CCDC80: variants seen among roughly 807,000 people sequenced by gnomAD.
CCDC80 encodes coiled-coil domain-containing protein 80.
Under a neutral mutation model 78.7 loss-of-function variants are expected in CCDC80, and 49 were observed. That is an observed-to-expected ratio of 0.62 (90% CI 0.50 to 0.79). CCDC80 has a LOEUF of 0.79. Among genes scored for constraint, CCDC80 ranks in the 30% least tolerant of loss-of-function variants. The pLI, the probability that CCDC80 is intolerant of heterozygous loss-of-function variation, is 0.00. For missense variants in CCDC80, 1,205 were observed against 1,198.6 expected, an observed-to-expected ratio of 1.01 and a Z score of -0.08; for synonymous variants, 488 against 447.0, an observed-to-expected ratio of 1.09 and a Z score of -1.16.
rs1019973602 is a variant in CCDC80, at chr3:112,599,149, T to A, written c.*6268A>T. On this transcript the variant is annotated 3_prime_UTR_variant, in exon 8 of 8. Transcript: ENST00000206423. ...GAAACTGAGGCCCATAGGTAAAACA[T>A]CTCACCTCCAGTCACACAGGTAAGT... is the stretch of plus-strand genomic sequence containing the variant. 6.6e-6 allele frequency: 1 copy of A among 152,096 alleles called. No homozygotes were observed. The highest frequency in any genetic ancestry group is 2.4e-5 in the African/African-American group (1 of 41,416). The allele number at this position is 152,096 out of a possible 1,614,324, so 9.4% of individuals were successfully genotyped here. A position where few individuals can be genotyped will look rare whatever the true frequency, so the allele number is the denominator to read the frequency against.
intron 2 of CCDC80, among the ~76,000 whole-genome samples, chr3:112,631,762 G>C (rs1304935377): frequency 6.6e-6 from 1 of 152,058 alleles, no homozygotes; most frequent in Non-Finnish European, 1.5e-5. Flanking sequence ...ATTGCTACCT[G>C]CAGGCTTTCC....
At chr3:112,632,857 C>G (rs552059253) in intron 2 of CCDC80, among the ~76,000 whole-genome samples, 1 of 152,316 alleles carries the variant, frequency 6.6e-6, no homozygotes, top group African/African-American at 2.4e-5. Flanking sequence ...CCCGGGCTCT[C>G]TTTTGCTAAT....
At position 112,638,866 on chromosome 3, in the gene CCDC80, G is replaced by A. The variant is rs772496790; in HGVS notation, c.1040C>T (p.Thr347Ile). 6.2e-7 allele frequency: 1 copy of A among 1,613,664 alleles called. No homozygotes were observed. Among genetic ancestry groups the A allele is most frequent in the Non-Finnish European group, 8.5e-7 (1 of 1,179,982 alleles). The change falls in exon 2 of 8, where the codon ACC (threonine) becomes ATC (isoleucine). Residue 347 changes from threonine (T) to isoleucine (I), a missense_variant. Thr to Ile is a moderately conservative substitution (Grantham distance 89). Coordinates refer to ENST00000206423, the MANE Select transcript of CCDC80 (RefSeq NM_199511.3). ...TAPALPQPPS[T>I]PRATTLPPAP... ...AGGAGGAAGGGTGGTGGCTCTGGGGGTTGAGGGAGGTTGGGGCAAAGCTGG... is the reference window on the plus strand; with the variant it reads ...AGGAGGAAGGGTGGTGGCTCTGGGGATTGAGGGAGGTTGGGGCAAAGCTGG...
rs73853922 is a variant in CCDC80, at chr3:112,611,687, G to A, written c.2322-1606C>T. Among the ~76,000 whole-genome samples, 400 of 152,240 alleles carry A rather than the reference G, an allele frequency of 2.6e-3. 2 individuals are homozygous for A. Among genetic ancestry groups the A allele is most frequent in the Middle Eastern group, 0.01 (3 of 294 alleles). On this transcript the variant is annotated intron_variant, in intron 5 of 7. Transcript: ENST00000206423. ...CTGGTGCTATCAGGGTCTGCAAGAG[G>A]GTATAAAAAGAGAGAAGGTATGCAT...
At chr3:112,633,160 A>C (rs1559881136) in intron 2 of CCDC80, among the ~76,000 whole-genome samples, 2 of 152,200 alleles carry the variant, frequency 1.3e-5, no homozygotes, top group Non-Finnish European at 1.5e-5. Context: ...ATATCTTTAT[A>C]AGATCATAAC....
At chr3:112,619,159 G>A in intron 3 of CCDC80, 55 bp from the exon 4 acceptor site, 1 of 1,471,724 alleles carries the variant, frequency 6.8e-7, no homozygotes, top group Non-Finnish European at 9.0e-7. Flanking sequence ...GAAATCATTG[G>A]GAGGTGAATG....
At chr3:112,616,444 G>GAAAAA (rs1935747901) in intron 5 of CCDC80, among the ~76,000 whole-genome samples, 1 of 137,394 alleles carries the variant, frequency 7.3e-6, no homozygotes, top group African/African-American at 3.0e-5. Flanking sequence ...GAAAAAAAAA[G>GAAAAA]AAAAGAAAAA....
intron 2 of CCDC80, among the ~76,000 whole-genome samples, chr3:112,633,444 G>C (rs1936139937): frequency 1.3e-5 from 2 of 152,108 alleles, no homozygotes; most frequent in African/African-American, 4.8e-5. Flanking sequence ...TGGAATTTAA[G>C]CATTTCCTTC....
In CCDC80 at chr3:112,638,489, G is replaced by A. The variant is rs116307644; in HGVS notation, c.1417C>T (p.His473Tyr). 16,106 of 1,611,334 alleles carry A rather than the reference G, an allele frequency of 1.0e-2. 95 individuals are homozygous for A. Among genetic ancestry groups the A allele is most frequent in the Non-Finnish European group, 0.013 (14,895 of 1,179,220 alleles). ...FRDNRMDRRE[H>Y]GHRDPNVVPG... ...ACCACATTTGGGTCTCGGTGGCCAT[G>A]TTCCCGCCTGTCCATGCGGTTGTCC... Residue 473 changes from histidine (H) to tyrosine (Y), a missense_variant, in exon 2 of 8, where the codon CAT (histidine) becomes TAT (tyrosine). His to Tyr is a moderately conservative substitution (Grantham distance 83). Transcript: ENST00000206423.
At position 112,605,696 on chromosome 3, in the gene CCDC80, T is replaced by C. The variant is rs200469059; in HGVS notation, c.2574A>G (p.Gln858=). The C allele has an allele frequency of 8.1e-6, 13 of 1,614,236 alleles. No homozygotes were observed. In the Admixed American group the frequency reaches 1.7e-4, roughly 21 times the overall value. Residue 858 remains glutamine, a synonymous_variant, in exon 8 of 8, where the codon CAA becomes CAG. Transcript: ENST00000206423. ...HLVKDIRNYF[Q]VSPEYFSMLL... ...GCATGGAGAAGTACTCCGGGCTCAC[T>C]TGAAAATAGTTACGAATGTCTTTCA... is the stretch of plus-strand genomic sequence containing the variant.
intron 5 of CCDC80, among the ~76,000 whole-genome samples, chr3:112,610,487 G>A (rs9868112): frequency 0.32 from 49,330 of 152,080 alleles, 9,402 homozygotes; most frequent in East Asian, 0.54. Flanking sequence ...AGAGTTTAGA[G>A]GGGGTTAAGA....
In CCDC80 at chr3:112,635,972, T is replaced by C. The variant is rs530901404; in HGVS notation, c.1878+2056A>G. On this transcript the variant is annotated intron_variant, in intron 2 of 7. Transcript: ENST00000206423. The stretch of plus-strand genomic sequence containing the variant: ...GGATACACTGTGAAAACCCCCTTTT[T>C]TGACTCACAAACTAGCGGCAATGGG... Among the ~76,000 whole-genome samples, 11 of 152,318 alleles carry C rather than the reference T, an allele frequency of 7.2e-5. No homozygotes were observed. In the East Asian group the frequency reaches 9.6e-4, roughly 13 times the overall value.
At chr3:112,634,068 G>GA (rs1468108891) in intron 2 of CCDC80, among the ~76,000 whole-genome samples, 2 of 152,084 alleles carry the variant, frequency 1.3e-5, no homozygotes, top group Non-Finnish European at 2.9e-5. Context: ...AAGAGCAATG[G>GA]AAAAAAGCTA....
intron 7 of CCDC80, among the ~76,000 whole-genome samples, chr3:112,606,008 A>G (rs1284250970): frequency 6.6e-6 from 1 of 152,236 alleles, no homozygotes; most frequent in African/African-American, 2.4e-5. Context: ...GAATGTTACA[A>G]AGTATAAAAC....
chr3:112,616,591 T>C (rs1935754004), intron 5 of CCDC80, 119 bp downstream of exon 5: 2 of 1,184,896 alleles, frequency 1.7e-6, no homozygotes, highest in East Asian at 2.3e-5. Context: ...GGTAGGTTTT[T>C]CTCCAAGGAG....
chr3:112,623,284 A>C (rs1935904221), intron 3 of CCDC80, among the ~76,000 whole-genome samples: 1 of 152,218 alleles, frequency 6.6e-6, no homozygotes, highest in Admixed American at 6.5e-5. Flanking sequence ...ACACTGCAGA[A>C]AATTCAGCTT....
Position 112,639,127 on chromosome 3 carries a change from A to T in CCDC80, c.779T>A (p.Val260Asp). Residue 260 changes from valine (V) to aspartate (D), a missense_variant, in exon 2 of 8, where the codon GTC (valine) becomes GAC (aspartate). Val to Asp is a radical substitution (Grantham distance 152). Coordinates refer to ENST00000206423, the MANE Select transcript of CCDC80 (RefSeq NM_199511.3). ...CCTACGGATGGGGCCTTGGTCGATGACCTCGTACATGGCTTCCAGCCTAAC... is the reference window on the plus strand; with the variant it reads ...CCTACGGATGGGGCCTTGGTCGATGTCCTCGTACATGGCTTCCAGCCTAAC... ...YPVRLEAMYEVIDQGPIRRIE... is the reference protein window; with the variant it reads ...YPVRLEAMYEDIDQGPIRRIE... The T allele has an allele frequency of 6.2e-7, 1 of 1,613,960 alleles. No homozygotes were observed. The highest frequency in any genetic ancestry group is 8.5e-7 in the Non-Finnish European group (1 of 1,179,998).
In CCDC80 at chr3:112,637,994, C is replaced by A. The variant is rs200051002; in HGVS notation, c.1878+34G>T. The A allele has an allele frequency of 5.6e-5, 87 of 1,564,972 alleles. No individual in the cohort carries two copies. The East Asian group carries it at 6.9e-4, about 12-fold the overall frequency. ...CAGACGTTAACATGCCCTGCCTCAG[C>A]CCATAGAAGAATGCCAAGGAGAAGG... On this transcript the variant is annotated intron_variant, in intron 2 of 7. Transcript: ENST00000206423.
At position 112,619,086 on chromosome 3, in the gene CCDC80, C is replaced by T. The variant is rs374475620; in HGVS notation, c.2054G>A (p.Arg685Gln). 1.0e-5 allele frequency: 16 copies of T among 1,594,444 alleles called. No homozygotes were observed. Among genetic ancestry groups the T allele is most frequent in the South Asian group, 9.2e-5 (8 of 87,396 alleles). Residue 685 changes from arginine (R) to glutamine (Q), a missense_variant, in exon 4 of 8, where the codon CGA becomes CAA. Physicochemically the swap from Arg to Gln is conservative, Grantham distance 43. Coordinates refer to ENST00000206423, the MANE Select transcript of CCDC80 (RefSeq NM_199511.3). ...HFQLDNEKPM[R>Q]VVDDEDLVDQ... is the part of the protein sequence containing the mutation. ...TACCAAGTCTTCATCATCCACCACT[C>T]GCATGGGCTTCTCATTATCTTAAGG...
Sources: gnomAD v4.1 joint callset for allele counts (sites outside exome capture counted in the v4.1 genomes callset) on GRCh38, gnomAD v4.1.1 for gene constraint, MANE v1.5 for transcripts, NCBI Gene and HGNC (gene_info 2026-07-23, HGNC 2026-07-21) for gene names.